ATP9A: variants seen among roughly 807,000 people sequenced by gnomAD.
The protein encoded by ATP9A is probable phospholipid-transporting ATPase IIA.
In ATP9A, 52 loss-of-function variants were observed where a neutral mutation model predicts 144.1. That is an observed-to-expected ratio of 0.36 (90% CI 0.29 to 0.45). ATP9A has a LOEUF of 0.45. Ranked by LOEUF, ATP9A falls within the 20% of genes least tolerant of loss-of-function variation. The probability of loss-of-function intolerance (pLI) is 1.00; values close to 1 mark genes in which losing one functional copy is unlikely to be tolerated. For missense variants in ATP9A, 947 were observed against 1,392.7 expected (o/e 0.68, Z 5.09); for synonymous variants, 582 against 557.4 (o/e 1.04, Z -0.62).
intron 19 of ATP9A, among the ~76,000 whole-genome samples, chr20:51,619,581 G>T (rs1032396894): frequency 8.9e-5 from 13 of 146,202 alleles, no homozygotes; most frequent in Non-Finnish European, 1.2e-4. Flanking sequence ...AAAAAAGGGG[G>T]GGGGGGGCCA....
At chr20:51,604,008 T>C (rs1162893032) in intron 27 of ATP9A, among the ~76,000 whole-genome samples, 2 of 152,150 alleles carry the variant, frequency 1.3e-5, no homozygotes, top group Non-Finnish European at 2.9e-5. Context: ...CTCAAACTCC[T>C]GACCTCGTGA....
In ATP9A at chr20:51,640,713, C is replaced by G. The variant is rs138385179; in HGVS notation, c.1507-1209G>C. Among the ~76,000 whole-genome samples, 210 of 152,252 alleles carry G rather than the reference C, an allele frequency of 1.4e-3. 1 individual carries two copies. The highest frequency in any genetic ancestry group is 4.7e-3 in the African/African-American group (196 of 41,540). ...GTCAAAGGCATGAGGGTTGCAAACT[C>G]CAAGACAGGGGCCAGAGTGTTGATA... is the stretch of plus-strand genomic sequence containing the variant. On this transcript the variant is annotated intron_variant, in intron 14 of 27. Coordinates refer to ENST00000338821, the MANE Select transcript of ATP9A (RefSeq NM_006045.3).
At chr20:51,659,177 C>G (rs1469050999) in intron 13 of ATP9A, among the ~76,000 whole-genome samples, 1 of 152,198 alleles carries the variant, frequency 6.6e-6, no homozygotes, top group African/African-American at 2.4e-5. Context: ...CTCAAAGAGG[C>G]TCTTCCTGGG....
chr20:51,733,572 A>C (rs1014363038), intron 1 of ATP9A, among the ~76,000 whole-genome samples: 19 of 151,906 alleles, frequency 1.3e-4, no homozygotes, highest in African/African-American at 4.4e-4. Context: ...ACGGGGTTTC[A>C]CCATGTTGGT....
At chr20:51,640,320 C>T (rs1398979625) in intron 14 of ATP9A, among the ~76,000 whole-genome samples, 1 of 152,188 alleles carries the variant, frequency 6.6e-6, no homozygotes, top group Non-Finnish European at 1.5e-5. Flanking sequence ...GCGCCAACAT[C>T]TGGGGGAATC....
rs1374405770 is a variant in ATP9A, at chr20:51,599,538, GCAGAAT to G, written c.*1667_*1672del. The G allele has an allele frequency of 6.6e-6, 1 of 152,228 alleles. No individual in the cohort carries two copies. The highest frequency in any genetic ancestry group is 1.5e-5 in the Non-Finnish European group (1 of 68,042). 9.4% of individuals were successfully genotyped at this position (152,228 alleles called of 1,614,324 possible). On this transcript the variant is annotated 3_prime_UTR_variant, in exon 28 of 28. Coordinates refer to ENST00000338821, the MANE Select transcript of ATP9A (RefSeq NM_006045.3). ...AGATAGAGAAAAGTACTGCAAAACT[GCAGAAT>G]CATAAGACAAAATAGATGTGGTGTC...
intron 24 of ATP9A, among the ~76,000 whole-genome samples, 189 bp downstream of exon 24, chr20:51,609,912 G>T (rs973867526): frequency 6.6e-6 from 1 of 152,176 alleles, no homozygotes; most frequent in African/African-American, 2.4e-5. Context: ...ATCTGGTTAA[G>T]GGCTTAACAG....
At chr20:51,666,216 AC>A (rs2077432250) in intron 13 of ATP9A, among the ~76,000 whole-genome samples, 1 of 152,118 alleles carries the variant, frequency 6.6e-6, no homozygotes. Context: ...AGGTTTAGAT[AC>A]CCATGCTCTG....
intron 6 of ATP9A, among the ~76,000 whole-genome samples, chr20:51,695,344 A>G (rs908269709): frequency 5.9e-5 from 9 of 151,446 alleles, no homozygotes; most frequent in Admixed American, 5.3e-4. Flanking sequence ...TTAGCCGGGC[A>G]TGGTGGTGCA....
At chr20:51,714,732 C>T (rs554350974) in intron 3 of ATP9A, among the ~76,000 whole-genome samples, 1 of 152,378 alleles carries the variant, frequency 6.6e-6, no homozygotes, top group Non-Finnish European at 1.5e-5. Flanking sequence ...AATTCACCCA[C>T]CTCAGCCTCC....
At chr20:51,690,609 G>T in intron 8 of ATP9A, 130 bp downstream of exon 8, 1 of 758,462 alleles carries the variant, frequency 1.3e-6, no homozygotes, top group Non-Finnish European at 2.3e-6. Context: ...CTTTCAAGGC[G>T]GTGCCTTCTT....
At chr20:51,641,341 A>G (rs2077317812) in intron 14 of ATP9A, among the ~76,000 whole-genome samples, 1 of 152,036 alleles carries the variant, frequency 6.6e-6, no homozygotes, top group Non-Finnish European at 1.5e-5. Context: ...CCTGGACAAC[A>G]GAGCGAGACT....
chr20:51,690,588 C>T, intron 8 of ATP9A, 151 bp downstream of exon 8: 6 of 686,418 alleles, frequency 8.7e-6, no homozygotes, highest in Non-Finnish European at 5.2e-6. Flanking sequence ...TACTGAGAAA[C>T]AATACGCTGG....
chr20:51,610,106 G>A lies in ATP9A; in HGVS notation c.2631C>T (p.Ile877=). 1 of 1,596,942 alleles carries A rather than the reference G, an allele frequency of 6.3e-7. No individual in the cohort carries two copies. Among genetic ancestry groups the A allele is most frequent in the Non-Finnish European group, 8.6e-7 (1 of 1,164,468 alleles). Residue 877 remains isoleucine (I), a synonymous_variant, in exon 24 of 28, where the codon ATC becomes ATT. Transcript: ENST00000338821. ...CCTTGGCAGGATTTCCTTACCCAATGATGAGGAATCCTTGATAGAGAGGGA... is the reference window on the plus strand; with the variant it reads ...CCTTGGCAGGATTTCCTTACCCAATAATGAGGAATCCTTGATAGAGAGGGA... The part of the protein sequence containing the change: ...ASVPLYQGFL[I]IGYSTIYTMF...
chr20:51,646,490 G>A (rs1266272254), intron 14 of ATP9A, among the ~76,000 whole-genome samples: 3 of 152,136 alleles, frequency 2.0e-5, no homozygotes, highest in African/African-American at 4.8e-5. Flanking sequence ...ACAGACACAC[G>A]GTTTTCTTCA....
At position 51,604,943 on chromosome 20, in the gene ATP9A, G is replaced by A; in HGVS notation, c.2881C>T (p.Leu961=). The change falls in exon 27 of 28, where the codon CTG becomes TTG. Residue 961 remains leucine, a synonymous_variant. Transcript: ENST00000338821. The part of the protein sequence containing the change: ...VHIVAISFTS[L]ILTELLMVAL... ...ACCATGAGCAGCTCGGTGAGGATCA[G>A]CGAGGTGAAGGAGATGGCCACGATG... 1.2e-6 allele frequency: 2 copies of A among 1,613,542 alleles called. No individual in the cohort carries two copies. The highest frequency in any genetic ancestry group is 1.7e-6 in the Non-Finnish European group (2 of 1,179,778).
chr20:51,626,032 C>T (rs1363819942), intron 17 of ATP9A, among the ~76,000 whole-genome samples: 1 of 152,250 alleles, frequency 6.6e-6, no homozygotes. Context: ...GCGTGTCCCG[C>T]CTCCCTCCCT....
chr20:51,662,267 G>A (rs951785336), intron 13 of ATP9A, among the ~76,000 whole-genome samples: 8 of 152,178 alleles, frequency 5.3e-5, no homozygotes, highest in Non-Finnish European at 1.2e-4. Flanking sequence ...ATTGCACTGC[G>A]CCAGGTGTGG....
At chr20:51,736,113 T>G (rs1276944672) in intron 1 of ATP9A, among the ~76,000 whole-genome samples, 1 of 152,118 alleles carries the variant, frequency 6.6e-6, no homozygotes, top group Non-Finnish European at 1.5e-5. Context: ...TACAAGGAAG[T>G]GCAATCCAGG....
Sources: gnomAD v4.1 joint callset for allele counts (sites outside exome capture counted in the v4.1 genomes callset) on GRCh38, gnomAD v4.1.1 for gene constraint, MANE v1.5 for transcripts, NCBI Gene and HGNC (gene_info 2026-07-23, HGNC 2026-07-21) for gene names.